The following GRXCR1 variants were observed in gnomAD, a reference collection of about 807,000 sequenced individuals.
GRXCR1 encodes glutaredoxin and cysteine rich domain containing 1.
Under a neutral mutation model 27.3 loss-of-function variants are expected in GRXCR1, and 27 were observed. That is an observed-to-expected ratio of 0.99 (90% CI 0.73 to 1.37). The LOEUF is 1.37. GRXCR1 is among the 40% of genes most tolerant of loss of function. The pLI, the probability that GRXCR1 is intolerant of heterozygous loss-of-function variation, is 0.00. For missense variants in GRXCR1, 379 were observed against 354.4 expected (o/e 1.07, Z -0.56); for synonymous variants, 122 against 131.1 (o/e 0.93, Z 0.47).
chr4:42,901,464 T>C (rs1042466932), intron 1 of GRXCR1, among the ~76,000 whole-genome samples: 1 of 152,146 alleles, frequency 6.6e-6, no homozygotes, highest in Non-Finnish European at 1.5e-5. Context: ...CCCTGCATCC[T>C]TCTGACTTCT....
intron 2 of GRXCR1, among the ~76,000 whole-genome samples, chr4:43,000,447 G>A (rs912652229): frequency 7.3e-6 from 1 of 136,628 alleles, no homozygotes; most frequent in Non-Finnish European, 1.5e-5. Context: ...CTGCACTCCA[G>A]CCTGGTGACA....
At chr4:42,987,222 T>TTATAATTATATATA (rs1553943899) in intron 2 of GRXCR1, among the ~76,000 whole-genome samples, 1 of 100,594 alleles carries the variant, frequency 9.9e-6, no homozygotes, top group Non-Finnish European at 1.9e-5. Flanking sequence ...TATATATATA[T>TTATAATTATATATA]TATATATTAT....
chr4:42,962,896 C>A lies in GRXCR1; in HGVS notation c.389C>A (p.Pro130Gln). 6.2e-7 allele frequency: 1 copy of A among 1,612,460 alleles called. No individual in the cohort carries two copies. Among genetic ancestry groups the A allele is most frequent in the South Asian group, 1.1e-5 (1 of 91,046 alleles). The change falls in exon 2 of 4, where the codon CCA (proline) becomes CAA (glutamine). Residue 130 changes from proline (P) to glutamine (Q), a missense_variant. Transcript: ENST00000399770. Reference sequence around the variant, plus strand: ...AACTCAATGTTTTCCCTTCAGCAACCATCAACTGATCTAGAATTTGACCGT... The same window carrying A: ...AACTCAATGTTTTCCCTTCAGCAACAATCAACTGATCTAGAATTTGACCGT... ...FNNLTKVLQQ[P>Q]STDLEFDRVV... is the part of the protein sequence containing the mutation.
At chr4:42,946,644 G>A (rs1003824508) in intron 1 of GRXCR1, among the ~76,000 whole-genome samples, 2 of 152,096 alleles carry the variant, frequency 1.3e-5, no homozygotes, top group African/African-American at 4.8e-5. Flanking sequence ...TCATAGATGG[G>A]AACTTTTTGC....
At chr4:42,931,795 T>C (rs1037615197) in intron 1 of GRXCR1, among the ~76,000 whole-genome samples, 31 of 152,084 alleles carry the variant, frequency 2.0e-4, no homozygotes, top group Non-Finnish European at 3.4e-4. Context: ...TTATCAACTA[T>C]AGTCACTATA....
At chr4:42,934,723 T>C (rs1271338159) in intron 1 of GRXCR1, among the ~76,000 whole-genome samples, 5 of 151,954 alleles carry the variant, frequency 3.3e-5, no homozygotes, top group Non-Finnish European at 5.9e-5. Context: ...TGAATAAACT[T>C]TGCAATAATA....
intron 2 of GRXCR1, among the ~76,000 whole-genome samples, chr4:42,989,185 A>G (rs975545836): frequency 2.0e-5 from 3 of 152,218 alleles, no homozygotes; most frequent in Non-Finnish European, 2.9e-5. Context: ...TGGGTGGCTT[A>G]AATAATAGTT....
chr4:42,964,716 G>A (rs1748199333), intron 2 of GRXCR1, among the ~76,000 whole-genome samples: 2 of 151,992 alleles, frequency 1.3e-5, no homozygotes, highest in African/African-American at 2.4e-5. Context: ...TTGCCTGTTT[G>A]CTGGTATAGT....
chr4:42,985,995 A>G (rs1311791291), intron 2 of GRXCR1, among the ~76,000 whole-genome samples: 1 of 152,206 alleles, frequency 6.6e-6, no homozygotes, highest in Non-Finnish European at 1.5e-5. Context: ...TATGATTACA[A>G]CTGAGCAAAC....
In GRXCR1 at chr4:42,893,529, G is replaced by C. The variant is rs1246498609; in HGVS notation, c.263G>C (p.Ser88Thr). The change falls in exon 1 of 4, where the codon AGT (serine) becomes ACT (threonine). Residue 88 changes from serine (S) to threonine (T), a missense_variant. By Grantham distance (58) the Ser-to-Thr change is moderately conservative (BLOSUM62 1). Transcript: ENST00000399770. ...TTGCTGGTGTTAGCAAGGGCTGCCA[G>C]TGAGAAGGGTTTTGGTACAAGAAGA... ...DSLLVLARAA[S>T]EKGFGTRRVN... 6.2e-7 allele frequency: 1 copy of C among 1,613,790 alleles called. No homozygotes were observed. The highest frequency in any genetic ancestry group is 2.2e-5 in the East Asian group (1 of 44,858).
chr4:42,991,234 T>C (rs574547387), intron 2 of GRXCR1, among the ~76,000 whole-genome samples: 1 of 152,096 alleles, frequency 6.6e-6, no homozygotes, highest in South Asian at 2.1e-4. Context: ...TTAATTTTGG[T>C]TCGTCTCTTT....
At chr4:42,903,355 A>C (rs1056332206) in intron 1 of GRXCR1, among the ~76,000 whole-genome samples, 1 of 114,606 alleles carries the variant, frequency 8.7e-6, no homozygotes, top group Admixed American at 1.2e-4. Flanking sequence ...TCTCTCACCC[A>C]GGCTGGAGTG....
intron 2 of GRXCR1, among the ~76,000 whole-genome samples, chr4:43,020,000 G>T (rs1486715788): frequency 6.6e-6 from 1 of 152,080 alleles, no homozygotes. Context: ...GTGGGAATTT[G>T]CTCCAAGGAT....
intron 1 of GRXCR1, among the ~76,000 whole-genome samples, chr4:42,903,644 T>C (rs1374391056): frequency 6.8e-6 from 1 of 148,116 alleles, no homozygotes; most frequent in Non-Finnish European, 1.5e-5. Flanking sequence ...TCCCTTTTCA[T>C]ACATTTATAT....
intron 3 of GRXCR1, among the ~76,000 whole-genome samples, chr4:43,025,420 G>T (rs1713223724): frequency 6.6e-6 from 1 of 152,150 alleles, no homozygotes; most frequent in Non-Finnish European, 1.5e-5. Flanking sequence ...ATAAGTAAAA[G>T]GTCTCACTCA....
intron 2 of GRXCR1, among the ~76,000 whole-genome samples, chr4:42,983,829 A>T (rs1328817782): frequency 2.1e-4 from 27 of 131,356 alleles, no homozygotes; most frequent in African/African-American, 3.2e-4. Flanking sequence ...ATGTTCAGAG[A>T]TTTTCTTTCT....
intron 2 of GRXCR1, among the ~76,000 whole-genome samples, chr4:42,978,928 T>C (rs1459543180): frequency 4.0e-5 from 6 of 151,884 alleles, no homozygotes; most frequent in Non-Finnish European, 7.4e-5. Context: ...GATCTGATGG[T>C]TTTGTAAGGG....
intron 1 of GRXCR1, among the ~76,000 whole-genome samples, chr4:42,897,947 A>C (rs1173997242): frequency 1.0e-5 from 1 of 96,094 alleles, no homozygotes; most frequent in African/African-American, 3.7e-5. Context: ...TATTATTATT[A>C]TTATTATTAT....
At chr4:42,998,395 C>A (rs1423416968) in intron 2 of GRXCR1, among the ~76,000 whole-genome samples, 1 of 152,096 alleles carries the variant, frequency 6.6e-6, no homozygotes, top group South Asian at 2.1e-4. Flanking sequence ...TACAAATGTT[C>A]CATGCACATG....
Sources: allele counts gnomAD v4.1 joint callset (sites outside exome capture counted in the v4.1 genomes callset), GRCh38; gene constraint gnomAD v4.1.1; transcripts MANE v1.5; gene names NCBI Gene and HGNC (gene_info 2026-07-23, HGNC 2026-07-21).